The following ANKS1B variants were observed in gnomAD, a reference collection of about 807,000 sequenced individuals.
ANKS1B encodes ankyrin repeat and sterile alpha motif domain containing 1B, also known as ankyrin repeat and sterile alpha motif domain-containing protein 1B.
A neutral mutation model predicts 148.3 loss-of-function variants in ANKS1B; 36 were observed. That is an observed-to-expected ratio of 0.24 (90% CI 0.19 to 0.32). ANKS1B has a LOEUF of 0.32. Ranked by LOEUF, ANKS1B falls within the 10% of genes least tolerant of loss-of-function variation. The probability of loss-of-function intolerance (pLI) is 1.00; values close to 1 mark genes in which losing one functional copy is unlikely to be tolerated. For synonymous variants in ANKS1B, 542 were observed against 560.8 expected (o/e 0.97, Z 0.47); for missense variants, 1,157 against 1,542.6 (o/e 0.75, Z 4.19).
intron 14 of ANKS1B, among the ~76,000 whole-genome samples, chr12:99,230,343 T>C (rs1265804129): frequency 6.6e-6 from 1 of 152,106 alleles, no homozygotes; most frequent in Non-Finnish European, 1.5e-5. Flanking sequence ...TGTTAGCAGA[T>C]GTTAGTTGAT....
At chr12:99,713,159 C>A (rs1254608900) in intron 8 of ANKS1B, among the ~76,000 whole-genome samples, 1 of 152,128 alleles carries the variant, frequency 6.6e-6, no homozygotes, top group Non-Finnish European at 1.5e-5. Context: ...CATTTTTATT[C>A]CTGGCTCCTA....
intron 1 of ANKS1B, among the ~76,000 whole-genome samples, chr12:99,952,654 T>C (rs1274551180): frequency 6.6e-6 from 1 of 152,190 alleles, no homozygotes; most frequent in Non-Finnish European, 1.5e-5. Context: ...TCAACCAAGA[T>C]CCATGTTCTG....
At chr12:99,297,412 G>A (rs7300118) in intron 12 of ANKS1B, among the ~76,000 whole-genome samples, 47,518 of 151,996 alleles carry the variant, frequency 0.31, 8,687 homozygotes, top group African/African-American at 0.51. Flanking sequence ...TTGTAGTAGC[G>A]TAAACATAGA....
intron 1 of ANKS1B, among the ~76,000 whole-genome samples, chr12:99,859,529 C>G (rs2089708884): frequency 6.6e-6 from 1 of 152,156 alleles, no homozygotes. Context: ...ATATTCACTA[C>G]AGGCTACAGT....
At chr12:99,927,937 T>C (rs1162169563) in intron 1 of ANKS1B, among the ~76,000 whole-genome samples, 1 of 152,192 alleles carries the variant, frequency 6.6e-6, no homozygotes, top group Non-Finnish European at 1.5e-5. Context: ...AGGAAAACCA[T>C]ACAAATTTAC....
intron 17 of ANKS1B, among the ~76,000 whole-genome samples, chr12:98,986,999 T>G (rs901497516): frequency 6.6e-6 from 1 of 152,108 alleles, no homozygotes; most frequent in African/African-American, 2.4e-5. Context: ...GTATAATTTT[T>G]TTGATGTTTT....
At chr12:99,713,864 A>C (rs1299260590) in intron 8 of ANKS1B, among the ~76,000 whole-genome samples, 1 of 152,162 alleles carries the variant, frequency 6.6e-6, no homozygotes, top group East Asian at 1.9e-4. Context: ...TGGAAATCAC[A>C]ACCACATTTT....
intron 19 of ANKS1B, among the ~76,000 whole-genome samples, chr12:98,825,677 G>T (rs2099243194): frequency 6.6e-6 from 1 of 151,906 alleles, no homozygotes; most frequent in Non-Finnish European, 1.5e-5. Context: ...TCTTGCATGA[G>T]TTTGGAGAAT....
intron 19 of ANKS1B, among the ~76,000 whole-genome samples, chr12:98,810,480 G>A (rs1302135526): frequency 2.0e-5 from 3 of 152,178 alleles, no homozygotes; most frequent in African/African-American, 4.8e-5. Flanking sequence ...TTCCTTCGAA[G>A]TACCCGTCTC....
intron 1 of ANKS1B, among the ~76,000 whole-genome samples, chr12:99,978,727 G>A (rs2095657119): frequency 6.6e-6 from 1 of 152,130 alleles, no homozygotes; most frequent in Non-Finnish European, 1.5e-5. Flanking sequence ...AAAATGACAT[G>A]AGCTGAATCC....
chr12:98,791,492 G>A (rs185589393), intron 22 of ANKS1B, among the ~76,000 whole-genome samples: 2 of 152,276 alleles, frequency 1.3e-5, no homozygotes, highest in East Asian at 1.9e-4. Flanking sequence ...TATGACTCAC[G>A]CAGTATTTGG....
chr12:98,978,705 A>G (rs1486048993), intron 17 of ANKS1B, among the ~76,000 whole-genome samples: 1 of 152,116 alleles, frequency 6.6e-6, no homozygotes, highest in African/African-American at 2.4e-5. Context: ...TCCTTACAAT[A>G]GTTATACTTC....
intron 12 of ANKS1B, among the ~76,000 whole-genome samples, chr12:99,386,929 T>C (rs2093882093): frequency 6.6e-6 from 1 of 152,172 alleles, no homozygotes; most frequent in African/African-American, 2.4e-5. Flanking sequence ...GGTGGCAGAA[T>C]CCCAGCAAAG....
At chr12:99,499,119 G>A (rs2152990968) in intron 10 of ANKS1B, among the ~76,000 whole-genome samples, 1 of 152,284 alleles carries the variant, frequency 6.6e-6, no homozygotes, top group South Asian at 2.1e-4. Context: ...CTTATTGGGG[G>A]CAATTCTGTG....
chr12:99,584,812 G>T (rs902299758), intron 9 of ANKS1B, among the ~76,000 whole-genome samples: 1 of 152,014 alleles, frequency 6.6e-6, no homozygotes, highest in Non-Finnish European at 1.5e-5. Context: ...AACAGATCGC[G>T]TGAGACTTAT....
At chr12:98,883,557 G>A (rs1403169250) in intron 17 of ANKS1B, among the ~76,000 whole-genome samples, 2 of 152,158 alleles carry the variant, frequency 1.3e-5, no homozygotes, top group African/African-American at 2.4e-5. Flanking sequence ...TTTAATGTAC[G>A]ATGCTTTTAT....
In ANKS1B at chr12:99,522,637, T is replaced by A. The variant is rs572684343; in HGVS notation, c.1273-17996A>T. Among the ~76,000 whole-genome samples, 9 of 152,294 alleles carry A rather than the reference T, an allele frequency of 5.9e-5. No homozygotes were observed. The South Asian group carries it at 1.9e-3, about 32-fold the overall frequency. On this transcript the variant is annotated intron_variant, in intron 9 of 26. Coordinates refer to ENST00000683438, the MANE Select transcript of ANKS1B (RefSeq NM_001352186.2). Reference sequence around the variant, plus strand: ...TCTATGCTTCAGTAGAGAAAAGAGTTATAAAAAATTCATCATGGAGCTATG... The same window carrying A: ...TCTATGCTTCAGTAGAGAAAAGAGTAATAAAAAATTCATCATGGAGCTATG...
At chr12:98,766,337 A>G (rs772008642) in intron 25 of ANKS1B, among the ~76,000 whole-genome samples, 4 of 152,120 alleles carry the variant, frequency 2.6e-5, no homozygotes, top group Non-Finnish European at 5.9e-5. Context: ...TTTTTATTCC[A>G]TCAGGGCCAT....
chr12:99,948,022 C>A (rs1269983768), intron 1 of ANKS1B, among the ~76,000 whole-genome samples: 1 of 152,164 alleles, frequency 6.6e-6, no homozygotes, highest in Non-Finnish European at 1.5e-5. Context: ...CTGTATTAGA[C>A]CCAGATAACC....
Sources: allele counts gnomAD v4.1 joint callset (sites outside exome capture counted in the v4.1 genomes callset), GRCh38; gene constraint gnomAD v4.1.1; transcripts MANE v1.5; gene names NCBI Gene and HGNC (gene_info 2026-07-23, HGNC 2026-07-21).